The following VPS37A variants were observed in gnomAD, a reference collection of about 807,000 sequenced individuals.
VPS37A encodes VPS37A subunit of ESCRT-I.
VPS37A carries 30 observed loss-of-function variants against 49.8 expected under a neutral mutation model. The ratio of observed to expected loss-of-function variants is 0.60; its 90% CI spans 0.45 to 0.82. The LOEUF is 0.82. Ranked by LOEUF, VPS37A falls within the 40% of genes least tolerant of loss-of-function variation. VPS37A has a pLI of 0.00. For missense variants in VPS37A, 593 were observed against 464.4 expected (o/e 1.28, Z -2.55); for synonymous variants, 195 against 160.6 (o/e 1.21, Z -1.62).
downstream of VPS37A, among the ~76,000 whole-genome samples, chr8:17,303,802 G>C (rs1224549528): frequency 2.0e-5 from 3 of 152,054 alleles, no homozygotes; most frequent in Non-Finnish European, 4.4e-5. Context: ...TAGAGACTGG[G>C]TCTCCCCATG....
At chr8:17,332,846 T>C in the VPS37A span, among the ~76,000 whole-genome samples, 4,056 of 152,242 alleles carry the variant, frequency 0.027, 186 homozygotes, top group African/African-American at 0.091. Context: ...TTTTGCGTGT[T>C]TATCAAGCAG....
chr8:17,302,718 C>CT (rs1323273679), downstream of VPS37A, among the ~76,000 whole-genome samples: 35 of 87,780 alleles, frequency 4.0e-4, no homozygotes, highest in African/African-American at 1.2e-3. Flanking sequence ...CCCCCCCCCG[C>CT]TTTTTTTTTT....
At chr8:17,256,215 C>T (rs1812434535) in intron 1 of VPS37A, among the ~76,000 whole-genome samples, 1 of 151,190 alleles carries the variant, frequency 6.6e-6, no homozygotes, top group African/African-American at 2.4e-5. Context: ...TCAGGGTTCC[C>T]CTGTCTCCAA....
Position 17,268,240 on chromosome 8 carries a change from C to T in VPS37A, c.201-18C>T. The T allele has an allele frequency of 6.5e-7, 1 of 1,549,302 alleles. No homozygotes were observed. The highest frequency in any genetic ancestry group is 8.8e-7 in the Non-Finnish European group (1 of 1,131,848). Reference sequence around the variant, plus strand: ...TGTTATCTTTGTTTTTGTTTTTCATCTGTTCTACCTCTACCAGATTGCTTC... The same window carrying T: ...TGTTATCTTTGTTTTTGTTTTTCATTTGTTCTACCTCTACCAGATTGCTTC... On this transcript the variant is annotated intron_variant, in intron 2 of 11. Transcript: ENST00000324849.
chr8:17,317,475 G>A, the VPS37A span, among the ~76,000 whole-genome samples: 1 of 152,092 alleles, frequency 6.6e-6, no homozygotes, highest in Admixed American at 6.6e-5. Context: ...CTTAACCCCT[G>A]TTTTTGGCCT....
chr8:17,285,084 A>C (rs775312278), intron 10 of VPS37A, among the ~76,000 whole-genome samples: 2 of 152,130 alleles, frequency 1.3e-5, no homozygotes, highest in East Asian at 1.9e-4. Context: ...CATAGTATCA[A>C]ATTACTTTAG....
chr8:17,292,713 T>G (rs898503963), intron 11 of VPS37A, among the ~76,000 whole-genome samples: 1 of 152,164 alleles, frequency 6.6e-6, no homozygotes, highest in Non-Finnish European at 1.5e-5. Flanking sequence ...TCTCCTCCAC[T>G]TATGAAGCTT....
downstream of VPS37A, chr8:17,304,285 A>G (rs1817308977): frequency 2.9e-5 from 40 of 1,363,714 alleles, 1 homozygote; most frequent in Non-Finnish European, 4.0e-5. Context: ...AAAAGCCTCA[A>G]AGATCAGTGT....
At position 17,274,975 on chromosome 8, in the gene VPS37A, A is replaced by T. The variant is rs762649847; in HGVS notation, c.642+17A>T. On this transcript the variant is annotated intron_variant, in intron 5 of 11. Coordinates refer to ENST00000324849, the MANE Select transcript of VPS37A (RefSeq NM_152415.3). ...TCAATACCGGTTGGTATCGTCAGTTATCTATATTTTGTGCCACTGAAACAT... is the reference window on the plus strand; with the variant it reads ...TCAATACCGGTTGGTATCGTCAGTTTTCTATATTTTGTGCCACTGAAACAT... The T allele has an allele frequency of 2.2e-5, 36 of 1,606,876 alleles. No individual in the cohort carries two copies. The highest frequency in any genetic ancestry group is 1.1e-4 in the South Asian group (10 of 90,914).
chr8:17,323,595 G>A, the VPS37A span, among the ~76,000 whole-genome samples: 8 of 152,060 alleles, frequency 5.3e-5, no homozygotes, highest in African/African-American at 1.9e-4. Context: ...TGAGATGGTG[G>A]CTGCCAGTAA....
intron 2 of VPS37A, among the ~76,000 whole-genome samples, chr8:17,267,050 C>T (rs1316726596): frequency 6.6e-6 from 1 of 152,094 alleles, no homozygotes; most frequent in Middle Eastern, 3.2e-3. Context: ...GAATTACAGG[C>T]GTATGTGAGC....
intron 2 of VPS37A, among the ~76,000 whole-genome samples, chr8:17,266,920 G>A (rs1417527165): frequency 1.3e-5 from 2 of 151,912 alleles, no homozygotes; most frequent in African/African-American, 2.4e-5. Context: ...TTACAGGCAC[G>A]CCCCACCATG....
At chr8:17,304,551 C>T (rs748763280), downstream of VPS37A, 7 of 1,599,518 alleles carry the variant, frequency 4.4e-6, no homozygotes, top group East Asian at 1.3e-4. Flanking sequence ...TATAAATGAC[C>T]TATTTTGGTG....
At chr8:17,254,947 C>T (rs1167233122) in intron 1 of VPS37A, among the ~76,000 whole-genome samples, 1 of 152,114 alleles carries the variant, frequency 6.6e-6, no homozygotes, top group Non-Finnish European at 1.5e-5. Context: ...GCAAGATTCA[C>T]CTATAAACGT....
At chr8:17,326,133 C>T in the VPS37A span, among the ~76,000 whole-genome samples, 1 of 152,206 alleles carries the variant, frequency 6.6e-6, no homozygotes, top group Admixed American at 6.6e-5. Context: ...GGCCAGGGCA[C>T]CTTCCATTCC....
chr8:17,269,252 TC>T (rs1813760330), intron 4 of VPS37A, among the ~76,000 whole-genome samples: 1 of 152,182 alleles, frequency 6.6e-6, no homozygotes, highest in Non-Finnish European at 1.5e-5. Flanking sequence ...TCACTAAACT[TC>T]CTTTCTCCTC....
chr8:17,299,830 T>G (rs1403572865), downstream of VPS37A: 4 of 1,608,198 alleles, frequency 2.5e-6, no homozygotes, highest in Non-Finnish European at 3.4e-6. Context: ...GTTGCTTATG[T>G]GTCCTTTACT....
chr8:17,315,287 A>G, the VPS37A span, among the ~76,000 whole-genome samples: 1 of 152,188 alleles, frequency 6.6e-6, no homozygotes, highest in African/African-American at 2.4e-5. Context: ...CCTCCTAGAA[A>G]AGGCAAAACT....
intron 9 of VPS37A, 88 bp from the exon 10 acceptor site, chr8:17,284,385 C>T (rs932601199): frequency 1.1e-5 from 16 of 1,439,992 alleles, no homozygotes; most frequent in Non-Finnish European, 1.5e-5. Flanking sequence ...AATAAATTGC[C>T]TCTCCATACC....
Sources: gnomAD v4.1 joint callset for allele counts (sites outside exome capture counted in the v4.1 genomes callset) on GRCh38, gnomAD v4.1.1 for gene constraint, MANE v1.5 for transcripts, NCBI Gene and HGNC (gene_info 2026-07-23, HGNC 2026-07-21) for gene names.